The following TMPRSS2 variants were observed in gnomAD, a reference collection of about 807,000 sequenced individuals.
TMPRSS2 encodes transmembrane serine protease 2, also known as transmembrane protease serine 2.
In TMPRSS2, 59 loss-of-function variants were observed where a neutral mutation model predicts 67.4. The ratio of observed to expected loss-of-function variants is 0.88; its 90% confidence interval spans 0.71 to 1.09. TMPRSS2 has a LOEUF of 1.09. TMPRSS2 is among the 50% of genes least tolerant of loss of function. TMPRSS2 has a pLI of 0.00. For synonymous variants in TMPRSS2, 257 were observed against 257.0 expected (o/e 1.00, Z 0.00); for missense variants, 668 against 642.7 (o/e 1.04, Z -0.43).
In TMPRSS2 at chr21:41,468,488, G is replaced by A. The variant is rs374056527; in HGVS notation, c.1222C>T (p.Gln408Ter). 3 of 1,614,034 alleles carry A rather than the reference G, an allele frequency of 1.9e-6. No homozygotes were observed. In the African/African-American group the frequency reaches 4.0e-5, roughly 22 times the overall value. Reference sequence around the variant, plus strand: ...TAGACATATCTGCTGTTGCATCTCTGTGTCTCAATGAGAAGCACCTTGGCA... The same window carrying A: ...TAGACATATCTGCTGTTGCATCTCTATGTCTCAATGAGAAGCACCTTGGCA... ...NAAKVLLIETQRCNSRYVYDN... is the reference protein window; with the variant it reads ...NAAKVLLIET Residue 408 changes from glutamine (Q) to a stop codon, truncating the protein, a stop_gained, in exon 12 of 14, where the codon CAG becomes TAG. Coordinates refer to ENST00000332149, the MANE Select transcript of TMPRSS2 (RefSeq NM_005656.4). LOFTEE classifies it high-confidence loss of function.
intron 11 of TMPRSS2, among the ~76,000 whole-genome samples, chr21:41,469,328 G>A (rs2091111331): frequency 6.6e-6 from 1 of 151,952 alleles, no homozygotes; most frequent in Non-Finnish European, 1.5e-5. Context: ...GCTATGAGCT[G>A]GCTTCCTGTC....
In TMPRSS2 at chr21:41,483,927, G is replaced by A. The variant is rs1324479547; in HGVS notation, c.446-3325C>T. 4.6e-5 allele frequency among the ~76,000 whole-genome samples: 7 copies of A among 152,086 alleles called. No individual in the cohort carries two copies. In the South Asian group the frequency reaches 1.0e-3, roughly 23 times the overall value. ...GGAGGATCACTTGAGCCCAGAGTTC[G>A]AGACCAACCCCATCTCCACCAAAAA... On this transcript the variant is annotated intron_variant, in intron 5 of 13. Coordinates refer to ENST00000332149, the MANE Select transcript of TMPRSS2 (RefSeq NM_005656.4).
chr21:41,494,483 G>A lies in TMPRSS2; in HGVS notation c.111C>T (p.Tyr37=), dbSNP rs187460831. 57 of 1,614,100 alleles carry A rather than the reference G, an allele frequency of 3.5e-5. No homozygotes were observed. In the East Asian group the frequency reaches 1.0e-3, roughly 29 times the overall value. Residue 37 remains tyrosine (Y), a synonymous_variant, in exon 3 of 14, where the codon TAC becomes TAT. Transcript: ENST00000332149. ...PAQPTVVPTV[Y]EVHPAQYYPS... ...GGTAGTACTGAGCCGGATGCACCTC[G>A]TAGACAGTGGGGACCACAGTGGGCT...
In TMPRSS2 at chr21:41,483,537, C is replaced by A. The variant is rs1379974303; in HGVS notation, c.446-2935G>T. Among the ~76,000 whole-genome samples, 5 of 151,752 alleles carry A rather than the reference C, an allele frequency of 3.3e-5. No individual in the cohort carries two copies. In the South Asian group the frequency reaches 1.0e-3, roughly 32 times the overall value. On this transcript the variant is annotated intron_variant, in intron 5 of 13. Coordinates refer to ENST00000332149, the MANE Select transcript of TMPRSS2 (RefSeq NM_005656.4). The stretch of plus-strand genomic sequence containing the variant: ...CCTCAGGCGATCCCCACCCCCTCCG[C>A]CCCCCACCTCGGCCTCCCAAAGTGC...
At chr21:41,493,499 A>T (rs1226065221) in intron 3 of TMPRSS2, among the ~76,000 whole-genome samples, 1 of 152,208 alleles carries the variant, frequency 6.6e-6, no homozygotes, top group Non-Finnish European at 1.5e-5. Context: ...GGACACATGG[A>T]AATTCACATT....
Position 41,494,530 on chromosome 21 carries a change from G to T in TMPRSS2, c.64C>A (p.Pro22Thr), listed in dbSNP as rs1476788051. 1 of 1,613,896 alleles carries T rather than the reference G, an allele frequency of 6.2e-7. No homozygotes were observed. Among genetic ancestry groups the T allele is most frequent in the African/African-American group, 1.3e-5 (1 of 75,020 alleles). The change falls in exon 3 of 14, where the codon CCG (proline) becomes ACG (threonine). Residue 22 changes from proline to threonine, a missense_variant. Coordinates refer to ENST00000332149, the MANE Select transcript of TMPRSS2 (RefSeq NM_005656.4). ...GPYYENHGYQ[P>T]ENPYPAQPTV... ...GGCTGTGCGGGATAGGGGTTTTCCG[G>T]TTGGTATCCATGGTTTTCATAGTAA...
At position 41,494,343 on chromosome 21, in the gene TMPRSS2, AAG is replaced by A; in HGVS notation, c.238+11_238+12del. The A allele has an allele frequency of 3.1e-6, 5 of 1,611,654 alleles. No homozygotes were observed. The highest frequency in any genetic ancestry group is 4.2e-6 in the Non-Finnish European group (5 of 1,179,424). ...GGGTTTATTACAGGAAATAAACACA[AAG>A]AGAATCCTACTTGAGGTGCACACTG... On this transcript the variant is annotated intron_variant, in intron 3 of 13. Transcript: ENST00000332149.
intron 2 of TMPRSS2, among the ~76,000 whole-genome samples, chr21:41,495,604 G>A (rs148772184): frequency 2.2e-5 from 3 of 135,278 alleles, no homozygotes; most frequent in Admixed American, 7.9e-5. Context: ...CAGCCTGGGC[G>A]ACAAGAGCGA....
At chr21:41,498,239 T>C in intron 1 of TMPRSS2, 50 bp from the exon 2 acceptor site, 2 of 1,294,308 alleles carry the variant, frequency 1.5e-6, no homozygotes, top group Non-Finnish European at 2.2e-6. Flanking sequence ...AGTTAGTTTT[T>C]AGAAGATAAA....
At chr21:41,499,197 T>C (rs1452784890) in intron 1 of TMPRSS2, among the ~76,000 whole-genome samples, 4 of 152,236 alleles carry the variant, frequency 2.6e-5, no homozygotes, top group Non-Finnish European at 5.9e-5. Context: ...TTTTGACCAC[T>C]GCTAAGATTA....
intron 8 of TMPRSS2, 144 bp downstream of exon 8, chr21:41,476,433 G>A (rs1055688881): frequency 2.7e-6 from 2 of 751,130 alleles, no homozygotes; most frequent in Non-Finnish European, 4.5e-6. Flanking sequence ...TCCTTGGAAA[G>A]AGCGAGACGC....
At chr21:41,491,742 A>G (rs573613070) in intron 3 of TMPRSS2, among the ~76,000 whole-genome samples, 2 of 152,342 alleles carry the variant, frequency 1.3e-5, no homozygotes, top group East Asian at 1.9e-4. Context: ...GCATGTGCCA[A>G]TCTGTACAGT....
At position 41,488,363 on chromosome 21, in the gene TMPRSS2, G is replaced by T. The variant is rs773956746; in HGVS notation, c.445+31C>A. On this transcript the variant is annotated intron_variant, in intron 5 of 13. Coordinates refer to ENST00000332149, the MANE Select transcript of TMPRSS2 (RefSeq NM_005656.4). ...GCTGCTGTCTCCAAGGTGAGCAGAG[G>T]AGTCCCTTCCCAAGGTCAAGGCTGA... 1.9e-6 allele frequency: 3 copies of T among 1,602,418 alleles called. No individual in the cohort carries two copies. The Admixed American group carries it at 5.0e-5, about 27-fold the overall frequency.
intron 7 of TMPRSS2, 125 bp downstream of exon 7, chr21:41,479,047 C>A: frequency 1.4e-6 from 1 of 712,176 alleles, no homozygotes; most frequent in Non-Finnish European, 2.4e-6. Flanking sequence ...TAATCTCCTC[C>A]CAATGCAAAA....
At chr21:41,477,176 G>T (rs769348977) in intron 7 of TMPRSS2, among the ~76,000 whole-genome samples, 1 of 152,184 alleles carries the variant, frequency 6.6e-6, no homozygotes, top group Non-Finnish European at 1.5e-5. Context: ...AAGGGAAGAC[G>T]CGGCCCCTGG....
At chr21:41,476,744 G>A (rs572136846) in intron 7 of TMPRSS2, 124 bp from the exon 8 acceptor site, 1 of 866,534 alleles carries the variant, frequency 1.2e-6, no homozygotes, top group Admixed American at 1.9e-5. Flanking sequence ...AGAAGGGTCT[G>A]CTAGTTACAA....
In TMPRSS2 at chr21:41,468,433, C is replaced by T; in HGVS notation, c.1277G>A (p.Cys426Tyr). Residue 426 changes from cysteine (C) to tyrosine (Y), a missense_variant, in exon 12 of 14, where the codon TGT (cysteine) becomes TAT (tyrosine). Coordinates refer to ENST00000332149, the MANE Select transcript of TMPRSS2 (RefSeq NM_005656.4). ...YDNLITPAMI[C>Y]AGFLQGNVDS... is the part of the protein sequence containing the mutation. ...GACGTTCCCCTGCAGGAAGCCGGCA[C>T]AGATCATGGCTGGTGTGATCAGGTT... 6.2e-7 allele frequency: 1 copy of T among 1,614,208 alleles called. No homozygotes were observed. Among genetic ancestry groups the T allele is most frequent in the Non-Finnish European group, 8.5e-7 (1 of 1,180,042 alleles).
In TMPRSS2 at chr21:41,465,727, C is replaced by T. The variant is rs995873811; in HGVS notation, c.*415G>A. ...CTACCAAGTGGCCCCAGAGGGCAGCCGCTGCAGGTGCCACCTGGCTGTCTC... is the reference window on the plus strand; with the variant it reads ...CTACCAAGTGGCCCCAGAGGGCAGCTGCTGCAGGTGCCACCTGGCTGTCTC... On this transcript the variant is annotated 3_prime_UTR_variant, in exon 14 of 14. Transcript: ENST00000332149. The T allele has an allele frequency of 2.6e-5, 7 of 266,632 alleles. No individual in the cohort carries two copies. The highest frequency in any genetic ancestry group is 1.2e-4 in the South Asian group (1 of 8,200). The allele number at this position is 266,632 out of a possible 1,614,324, so 16.5% of individuals were successfully genotyped here.
rs532335955 is a variant in TMPRSS2, at chr21:41,478,261, C to T, written c.683+911G>A. Among the ~76,000 whole-genome samples the T allele has an allele frequency of 5.3e-5, 8 of 152,292 alleles. No individual in the cohort carries two copies. In the East Asian group the frequency reaches 1.5e-3, roughly 29 times the overall value. ...GCCCCCAGACCCCTCCACCAGCGGC[C>T]TCCAGGAATGCAAACCTGCCCCAGG... is the stretch of plus-strand genomic sequence containing the variant. On this transcript the variant is annotated intron_variant, in intron 7 of 13. Transcript: ENST00000332149. This position sits in a 1 kb window ranked among gnomAD's most constrained non-coding sequence, Gnocchi z 4.0.
Sources: allele counts gnomAD v4.1 joint callset (sites outside exome capture counted in the v4.1 genomes callset), GRCh38; gene constraint gnomAD v4.1.1; non-coding constraint Gnocchi (gnomAD v3.1); transcripts MANE v1.5; gene names NCBI Gene and HGNC (gene_info 2026-07-23, HGNC 2026-07-21).